The following LPP variants were observed in gnomAD, a reference collection of about 807,000 sequenced individuals.
LPP encodes the protein LIM domain containing preferred translocation partner in lipoma.
Under a neutral mutation model 60.4 loss-of-function variants are expected in LPP, and 38 were observed. The ratio of observed to expected loss-of-function variants is 0.63; its 90% CI spans 0.49 to 0.83. LPP has a LOEUF of 0.83. LPP is among the 40% of genes least tolerant of loss of function. The pLI, the probability that LPP is intolerant of heterozygous loss-of-function variation, is 0.00. For missense variants in LPP, 902 were observed against 783.6 expected, an observed-to-expected ratio of 1.15 and a Z score of -1.80; for synonymous variants, 328 against 290.8, an observed-to-expected ratio of 1.13 and a Z score of -1.30.
At chr3:188,447,339 TG>T (rs1202214250) in intron 4 of LPP, among the ~76,000 whole-genome samples, 1 of 152,100 alleles carries the variant, frequency 6.6e-6, no homozygotes, top group East Asian at 1.9e-4. Context: ...TGGCTGGGCG[TG>T]GTGGCTCACG....
intron 7 of LPP, among the ~76,000 whole-genome samples, chr3:188,651,608 A>T (rs2148975203): frequency 6.6e-6 from 1 of 152,332 alleles, no homozygotes; most frequent in Non-Finnish European, 1.5e-5. Context: ...ATGGCTGGGG[A>T]GGTCTCACAG....
intron 1 of LPP, among the ~76,000 whole-genome samples, chr3:188,222,146 A>G (rs1716013719): frequency 6.6e-6 from 1 of 152,230 alleles, no homozygotes; most frequent in African/African-American, 2.4e-5. Context: ...TTTGGAGGCC[A>G]TTTAAAAATA....
At chr3:188,250,920 C>CTCCCTTCCCTTCCCTTCCCT (rs1161657769) in intron 2 of LPP, among the ~76,000 whole-genome samples, 19 of 20,072 alleles carry the variant, frequency 9.5e-4, no homozygotes, top group African/African-American at 3.4e-3. Context: ...CCCTTCCTTC[C>CTCCCTTCCCTTCCCTTCCCT]TCCCTTCCCT....
In LPP at chr3:188,775,598, C is replaced by T. The variant is rs190033317; in HGVS notation, c.1410+15316C>T. ...ATCATTAGGAAATTGGCACAAGTGG[C>T]AGGAAGCCAAACTGACCTGAGTCTG... On this transcript the variant is annotated intron_variant, in intron 9 of 11. Transcript: ENST00000617246. Among the ~76,000 whole-genome samples the T allele has an allele frequency of 9.9e-5, 15 of 152,248 alleles. No homozygotes were observed. In the East Asian group the frequency reaches 2.9e-3, roughly 29 times the overall value.
chr3:188,341,069 A>G (rs911689399), intron 2 of LPP, among the ~76,000 whole-genome samples: 2 of 152,214 alleles, frequency 1.3e-5, no homozygotes, highest in East Asian at 3.8e-4. Flanking sequence ...GCCATTGATT[A>G]AAGGAAATCT....
intron 6 of LPP, among the ~76,000 whole-genome samples, chr3:188,593,812 G>A (rs1403420362): frequency 1.3e-5 from 2 of 152,122 alleles, no homozygotes; most frequent in Non-Finnish European, 2.9e-5. Context: ...CACTGTATAT[G>A]TATACACCGT....
At chr3:188,409,430 G>A (rs1784401258) in intron 4 of LPP, among the ~76,000 whole-genome samples, 1 of 152,156 alleles carries the variant, frequency 6.6e-6, no homozygotes, top group Non-Finnish European at 1.5e-5. Context: ...CCATGTATTT[G>A]TTGGAAGTAG....
intron 6 of LPP, among the ~76,000 whole-genome samples, chr3:188,590,182 C>G (rs927484681): frequency 6.4e-5 from 6 of 93,482 alleles, no homozygotes; most frequent in Admixed American, 3.9e-4. Context: ...CTGTGTTCTC[C>G]TCATATAGAT....
intron 2 of LPP, among the ~76,000 whole-genome samples, chr3:188,274,118 T>C (rs1577750275): frequency 6.6e-6 from 1 of 152,182 alleles, no homozygotes; most frequent in African/African-American, 2.4e-5. Flanking sequence ...TATCAGTGAA[T>C]TCATTTATTC....
chr3:188,232,499 C>T (rs1947836), intron 2 of LPP, among the ~76,000 whole-genome samples: 6,834 of 139,454 alleles, frequency 0.049, 270 homozygotes, highest in African/African-American at 0.11. Context: ...CCATCACACC[C>T]GGCTATTTTT....
chr3:188,202,339 G>A (rs1460600629), intron 1 of LPP, among the ~76,000 whole-genome samples: 1 of 152,142 alleles, frequency 6.6e-6, no homozygotes, highest in Non-Finnish European at 1.5e-5. Context: ...GAGAATACAT[G>A]GAAAGGGCAC....
intron 2 of LPP, among the ~76,000 whole-genome samples, chr3:188,282,799 T>C (rs1426704636): frequency 1.3e-5 from 2 of 152,166 alleles, no homozygotes; most frequent in Non-Finnish European, 2.9e-5. Context: ...GTCTCTCTCC[T>C]CCTCCATTTC....
intron 7 of LPP, among the ~76,000 whole-genome samples, chr3:188,672,197 G>A (rs991141637): frequency 4.0e-5 from 6 of 151,696 alleles, no homozygotes; most frequent in Admixed American, 6.6e-5. Context: ...CAAAACTCAC[G>A]TTTATAATCT....
chr3:188,155,440 C>T (rs1317768857), intron 1 of LPP, among the ~76,000 whole-genome samples: 1 of 152,226 alleles, frequency 6.6e-6, no homozygotes, highest in African/African-American at 2.4e-5. Context: ...GCTTACCTTT[C>T]CCTGCACATG....
chr3:188,475,492 A>T (rs1579188401), intron 4 of LPP, among the ~76,000 whole-genome samples: 1 of 152,214 alleles, frequency 6.6e-6, no homozygotes, highest in African/African-American at 2.4e-5. Flanking sequence ...AAAATTGAAA[A>T]CAATGCTTAG....
At position 188,724,622 on chromosome 3, in the gene LPP, G is replaced by T. The variant is rs773441451; in HGVS notation, c.1240+16229G>T. On this transcript the variant is annotated intron_variant, in intron 8 of 11. Coordinates refer to ENST00000617246, the MANE Select transcript of LPP (RefSeq NM_001375462.1). ...GCGATTTCTGACCGTAATTTTTTTTGTTGTTAATAACACTTGAAATATGCA... is the reference window on the plus strand; with the variant it reads ...GCGATTTCTGACCGTAATTTTTTTTTTTGTTAATAACACTTGAAATATGCA... Among the ~76,000 whole-genome samples the T allele has an allele frequency of 3.0e-4, 45 of 152,120 alleles. No homozygotes were observed. In the Middle Eastern group the frequency reaches 0.014, roughly 46 times the overall value.
At chr3:188,565,108 A>G (rs974854544) in intron 6 of LPP, among the ~76,000 whole-genome samples, 3 of 151,906 alleles carry the variant, frequency 2.0e-5, no homozygotes, top group Non-Finnish European at 4.4e-5. Flanking sequence ...TTCCTCCAAC[A>G]CAGCTCCTGG....
rs10708836 is a variant in LPP at position 188,318,753 on chromosome 3, C to CTTTTTTTTTTTT, written c.-66-22898_-66-22887dup. Among the ~76,000 whole-genome samples the CTTTTTTTTTTTT allele has an allele frequency of 8.3e-5, 8 of 96,836 alleles. No individual in the cohort carries two copies. The East Asian group carries it at 9.0e-4, about 11-fold the overall frequency. 63.5% of individuals were successfully genotyped at this position (96,836 alleles called of 152,430 possible). A position where few individuals can be genotyped will look rare whatever the true frequency, so the allele number is the denominator to read the frequency against. On this transcript the variant is annotated intron_variant, in intron 2 of 11. Coordinates refer to ENST00000617246, the MANE Select transcript of LPP (RefSeq NM_001375462.1). ...AAAAAATTGAAAAAAAATTATGATT[C>CTTTTTTTTTTTT]TTTTTTTTTTTTTTTTTTTTTTTGA... is the stretch of plus-strand genomic sequence containing the variant.
At chr3:188,758,326 A>G (rs535066424) in intron 8 of LPP, among the ~76,000 whole-genome samples, 3 of 151,948 alleles carry the variant, frequency 2.0e-5, no homozygotes, top group African/African-American at 7.2e-5. Flanking sequence ...ACGCCCAGCT[A>G]TTTTTTGTAT....
Sources: allele counts gnomAD v4.1 joint callset (sites outside exome capture counted in the v4.1 genomes callset), GRCh38; gene constraint gnomAD v4.1.1; transcripts MANE v1.5; gene names NCBI Gene and HGNC (gene_info 2026-07-23, HGNC 2026-07-21).